The following GRM5 variants were observed in gnomAD, a reference collection of about 807,000 sequenced individuals.
GRM5 encodes the protein glutamate metabotropic receptor 5.
A neutral mutation model predicts 83.1 loss-of-function variants in GRM5; 19 were observed. That is an observed-to-expected ratio of 0.23 (90% CI 0.16 to 0.34). The LOEUF (loss-of-function observed/expected upper bound fraction) is 0.34. Among genes scored for constraint, GRM5 ranks in the 10% least tolerant of loss-of-function variants. The pLI is 1.00. For synonymous variants in GRM5, 675 were observed against 633.6 expected, an observed-to-expected ratio of 1.07 and a Z score of -0.98; for missense variants, 1,160 against 1,588.3, an observed-to-expected ratio of 0.73 and a Z score of 4.58.
At chr11:88,720,290 C>T (rs1418207552) in intron 3 of GRM5, among the ~76,000 whole-genome samples, 1 of 137,758 alleles carries the variant, frequency 7.3e-6, no homozygotes, top group Non-Finnish European at 1.6e-5. Context: ...AGATAATACA[C>T]TGGAAAAAGC....
intron 2 of GRM5, among the ~76,000 whole-genome samples, chr11:88,929,027 TTCTC>T (rs1330844451): frequency 6.6e-6 from 1 of 151,856 alleles, no homozygotes; most frequent in East Asian, 1.9e-4. Flanking sequence ...ACATTGCTCT[TTCTC>T]TCACCAAAAA....
In GRM5 at chr11:88,756,249, T is replaced by A. The variant is rs1458812226; in HGVS notation, c.911+93657A>T. On this transcript the variant is annotated intron_variant, in intron 3 of 9. Coordinates refer to ENST00000305447, the MANE Select transcript of GRM5 (RefSeq NM_001143831.3). Reference sequence around the variant, plus strand: ...CATGAGTGGTCATAAATGGAAGAGATCATATAAATCATGTATTTCAATACT... The same window carrying A: ...CATGAGTGGTCATAAATGGAAGAGAACATATAAATCATGTATTTCAATACT... Among the ~76,000 whole-genome samples, 10 of 152,274 alleles carry A rather than the reference T, an allele frequency of 6.6e-5. No homozygotes were observed. In the East Asian group the frequency reaches 1.4e-3, roughly 21 times the overall value.
intron 2 of GRM5, among the ~76,000 whole-genome samples, chr11:88,850,560 T>C (rs1944372688): frequency 6.6e-6 from 1 of 151,402 alleles, no homozygotes; most frequent in Non-Finnish European, 1.5e-5. Context: ...TTTAAAGATA[T>C]AGTACATATA....
chr11:88,725,926 AG>A (rs1178656979), intron 3 of GRM5, among the ~76,000 whole-genome samples: 2 of 152,160 alleles, frequency 1.3e-5, no homozygotes, highest in African/African-American at 4.8e-5. Flanking sequence ...CACGAAGATG[AG>A]AAAAAAACAG....
At chr11:88,777,413 A>G (rs1485122872) in intron 3 of GRM5, among the ~76,000 whole-genome samples, 1 of 152,062 alleles carries the variant, frequency 6.6e-6, no homozygotes, top group Non-Finnish European at 1.5e-5. Flanking sequence ...ATTTGTTATT[A>G]CCAACCTTCT....
chr11:88,544,075 T>C (rs922861681), intron 8 of GRM5, among the ~76,000 whole-genome samples: 7 of 151,158 alleles, frequency 4.6e-5, no homozygotes, highest in Non-Finnish European at 7.4e-5. Context: ...TCTCTCTCTC[T>C]CACACACACA....
intron 8 of GRM5, among the ~76,000 whole-genome samples, chr11:88,541,595 C>A (rs1302687378): frequency 3.9e-5 from 6 of 152,072 alleles, no homozygotes; most frequent in African/African-American, 1.2e-4. Flanking sequence ...ATTAAGTGTA[C>A]TGGATTTGGA....
Position 88,874,087 on chromosome 11 carries a change from A to C in GRM5, c.662-23932T>G, listed in dbSNP as rs182654352. On this transcript the variant is annotated intron_variant, in intron 2 of 9. Coordinates refer to ENST00000305447, the MANE Select transcript of GRM5 (RefSeq NM_001143831.3). ...GAGCAATGATATTGATTCAGAAAGG[A>C]AAGTTCAACACTGGATATATTCACT... Among the ~76,000 whole-genome samples the C allele has an allele frequency of 2.3e-4, 35 of 151,926 alleles. 2 individuals carry two copies. The East Asian group carries it at 4.1e-3, about 18-fold the overall frequency.
intron 2 of GRM5, among the ~76,000 whole-genome samples, chr11:88,864,999 C>G (rs1215813608): frequency 6.6e-6 from 1 of 151,956 alleles, no homozygotes; most frequent in Non-Finnish European, 1.5e-5. Context: ...ACCAGCCTTA[C>G]AAGGGATGTG....
intron 2 of GRM5, among the ~76,000 whole-genome samples, chr11:88,890,425 C>T (rs984200151): frequency 6.6e-6 from 1 of 152,084 alleles, no homozygotes; most frequent in Non-Finnish European, 1.5e-5. Flanking sequence ...CAAATGAAAA[C>T]TCTTACAAGT....
At chr11:88,830,609 C>G (rs1247702541) in intron 3 of GRM5, among the ~76,000 whole-genome samples, 2 of 144,564 alleles carry the variant, frequency 1.4e-5, no homozygotes. Context: ...CCTAATGGTC[C>G]ATATCCCCAC....
In GRM5 at chr11:88,611,543, C is replaced by T. The variant is rs1386200578; in HGVS notation, c.1148-6579G>A. Among the ~76,000 whole-genome samples the T allele has an allele frequency of 2.6e-5, 4 of 152,124 alleles. No individual in the cohort carries two copies. In the East Asian group the frequency reaches 7.7e-4, roughly 29 times the overall value. The stretch of plus-strand genomic sequence containing the variant: ...AGTCTCTGAGGATATTTTGTATGTC[C>T]GTGGGGTCAGTTGTAATGTCCCTTT... On this transcript the variant is annotated intron_variant, in intron 4 of 9. Transcript: ENST00000305447.
At chr11:88,900,847 C>A (rs1358654020) in intron 2 of GRM5, among the ~76,000 whole-genome samples, 1 of 152,120 alleles carries the variant, frequency 6.6e-6, no homozygotes, top group East Asian at 1.9e-4. Flanking sequence ...TTAGCCCAGT[C>A]TTGTTTGGGA....
chr11:88,784,314 A>C (rs1943025883), intron 3 of GRM5, among the ~76,000 whole-genome samples: 1 of 152,104 alleles, frequency 6.6e-6, no homozygotes, highest in Non-Finnish European at 1.5e-5. Context: ...CTAGTTCAGA[A>C]ATACCAGTAG....
rs185280942 is a variant in GRM5 at position 88,936,437 on chromosome 11, G to T, written c.662-86282C>A. The stretch of plus-strand genomic sequence containing the variant: ...GGCCAATACCAGTAAGATTTATCTG[G>T]GTCATCAAGCTTTTTCTCATTATAA... On this transcript the variant is annotated intron_variant, in intron 2 of 9. Transcript: ENST00000305447. Among the ~76,000 whole-genome samples, 26 of 151,818 alleles carry T rather than the reference G, an allele frequency of 1.7e-4. No individual in the cohort carries two copies. In the East Asian group the frequency reaches 4.4e-3, roughly 26 times the overall value.
At chr11:88,523,241 A>G (rs1941753040) in intron 9 of GRM5, among the ~76,000 whole-genome samples, 1 of 152,192 alleles carries the variant, frequency 6.6e-6, no homozygotes, top group Non-Finnish European at 1.5e-5. Flanking sequence ...GAAACTTGTT[A>G]CATGACAGAT....
chr11:88,718,767 G>A (rs976837336), intron 3 of GRM5, among the ~76,000 whole-genome samples: 3 of 151,878 alleles, frequency 2.0e-5, no homozygotes, highest in Admixed American at 1.3e-4. Context: ...TATAATGTGA[G>A]TGAAAGCACA....
At chr11:88,628,785 G>A (rs1228776504) in intron 4 of GRM5, among the ~76,000 whole-genome samples, 6 of 152,136 alleles carry the variant, frequency 3.9e-5, no homozygotes, top group Non-Finnish European at 7.4e-5. Context: ...TTTATTTCTT[G>A]CTTATATCAC....
At chr11:88,966,862 T>G (rs974743059) in intron 2 of GRM5, among the ~76,000 whole-genome samples, 1 of 152,108 alleles carries the variant, frequency 6.6e-6, no homozygotes, top group Non-Finnish European at 1.5e-5. Context: ...TCCTTTAATA[T>G]CAAGTGTTTT....
Sources: allele counts gnomAD v4.1 joint callset (sites outside exome capture counted in the v4.1 genomes callset), GRCh38; gene constraint gnomAD v4.1.1; transcripts MANE v1.5; gene names NCBI Gene and HGNC (gene_info 2026-07-23, HGNC 2026-07-21).